Variants in AGPS observed in about 807,000 individuals in gnomAD.
AGPS encodes alkylglycerone phosphate synthase, also known as alkyldihydroxyacetonephosphate synthase, peroxisomal.
In AGPS, 26 loss-of-function variants were observed where a neutral mutation model predicts 90.7. That is an observed-to-expected ratio of 0.29 (90% CI 0.21 to 0.40). The LOEUF (loss-of-function observed/expected upper bound fraction) is 0.40. Among genes scored for constraint, AGPS ranks in the 10% least tolerant of loss-of-function variants. The probability of loss-of-function intolerance (pLI) is 1.00; values close to 1 mark genes in which losing one functional copy is unlikely to be tolerated. For synonymous variants in AGPS, 294 were observed against 285.3 expected, an observed-to-expected ratio of 1.03 and a Z score of -0.31; for missense variants, 540 against 816.1, an observed-to-expected ratio of 0.66 and a Z score of 4.12.
intron 10 of AGPS, among the ~76,000 whole-genome samples, chr2:177,480,619 C>T (rs1687916277): frequency 6.6e-6 from 1 of 151,948 alleles, no homozygotes; most frequent in South Asian, 2.1e-4. Flanking sequence ...GGAGATATAC[C>T]TAATGTAAAT....
At position 177,491,771 on chromosome 2, in the gene AGPS, C is replaced by T. The variant is rs75816697; in HGVS notation, c.1234-1377C>T. 1.7e-4 allele frequency among the ~76,000 whole-genome samples: 21 copies of T among 122,390 alleles called. 1 individual carries two copies. The highest frequency in any genetic ancestry group is 3.1e-4 in the Non-Finnish European group (18 of 58,880). 80.3% of individuals were successfully genotyped at this position (122,390 alleles called of 152,430 possible). A position where few individuals can be genotyped will look rare whatever the true frequency, so the allele number is the denominator to read the frequency against. ...TAATATACTTTCCTTCCCCCCCCCC[C>T]CCTTTTTTTTCATTTTGTTTTGTTT... On this transcript the variant is annotated intron_variant, in intron 11 of 19. Coordinates refer to ENST00000264167, the MANE Select transcript of AGPS (RefSeq NM_003659.4).
chr2:177,399,525 A>G (rs1448153892), intron 1 of AGPS, among the ~76,000 whole-genome samples: 1 of 152,154 alleles, frequency 6.6e-6, no homozygotes, highest in East Asian at 1.9e-4. Context: ...TGCTGGTTGG[A>G]GATCGTGGCT....
At position 177,392,857 on chromosome 2, in the gene AGPS, C is replaced by CGGACCGGGACCG. The variant is rs1408102329; in HGVS notation, c.74_85dup (p.Arg25_Asp28dup). ...GCGGGCGCGAGCTACGGGTCTGCAG[C>CGGACCGGGACCG]GGACCGGGACCGGGACCCGGACCCG... On this transcript the variant is annotated inframe_insertion, in exon 1 of 20. Coordinates refer to ENST00000264167, the MANE Select transcript of AGPS (RefSeq NM_003659.4). 3 of 1,551,994 alleles carry CGGACCGGGACCG rather than the reference C, an allele frequency of 1.9e-6. No individual in the cohort carries two copies. Among genetic ancestry groups the CGGACCGGGACCG allele is most frequent in the African/African-American group, 2.7e-5 (2 of 73,108 alleles).
chr2:177,494,353 A>G (rs1347159842), intron 12 of AGPS, among the ~76,000 whole-genome samples: 2 of 152,226 alleles, frequency 1.3e-5, no homozygotes, highest in Non-Finnish European at 2.9e-5. Context: ...TCAAAATACT[A>G]TACTACTGAC....
chr2:177,457,939 A>G (rs1017164248), intron 8 of AGPS, among the ~76,000 whole-genome samples: 5 of 152,230 alleles, frequency 3.3e-5, no homozygotes, highest in Non-Finnish European at 7.3e-5. Context: ...ATCCTTAATA[A>G]AATACTGGCA....
chr2:177,407,331 A>G lies in AGPS; in HGVS notation c.261-12938A>G, dbSNP rs76979475. The stretch of plus-strand genomic sequence containing the variant: ...TATATTAGACCATTTTTGCATTGCT[A>G]TAAAGAAATACCCGAGACTGGATAA... On this transcript the variant is annotated intron_variant, in intron 1 of 19. Coordinates refer to ENST00000264167, the MANE Select transcript of AGPS (RefSeq NM_003659.4). 4.0e-3 allele frequency among the ~76,000 whole-genome samples: 613 copies of G among 152,334 alleles called. 5 individuals are homozygous for G. Among genetic ancestry groups the G allele is most frequent in the East Asian group, 0.032 (167 of 5,190 alleles).
intron 19 of AGPS, among the ~76,000 whole-genome samples, chr2:177,536,874 G>A (rs1333101092): frequency 1.3e-5 from 2 of 152,100 alleles, no homozygotes; most frequent in African/African-American, 4.8e-5. Context: ...AGTTGAGCTC[G>A]AAATGGTATT....
intron 1 of AGPS, among the ~76,000 whole-genome samples, chr2:177,406,526 G>A (rs1267763256): frequency 2.0e-5 from 3 of 152,202 alleles, no homozygotes; most frequent in Non-Finnish European, 2.9e-5. Flanking sequence ...GACATAAGAG[G>A]ACATGGTGTG....
intron 17 of AGPS, among the ~76,000 whole-genome samples, chr2:177,516,315 T>G (rs1689021912): frequency 1.3e-5 from 2 of 152,170 alleles, no homozygotes; most frequent in South Asian, 4.1e-4. Flanking sequence ...CTGAAGACGT[T>G]ATATGGGAAG....
chr2:177,406,817 T>C (rs1184166452), intron 1 of AGPS, among the ~76,000 whole-genome samples: 1 of 152,254 alleles, frequency 6.6e-6, no homozygotes, highest in Non-Finnish European at 1.5e-5. Context: ...ATGTGCTTTA[T>C]GCTTCAGCCA....
In AGPS at chr2:177,482,176, T is replaced by C. The variant is rs773201404; in HGVS notation, c.1223T>C (p.Ile408Thr). 2 of 1,584,746 alleles carry C rather than the reference T, an allele frequency of 1.3e-6. No individual in the cohort carries two copies. Among genetic ancestry groups the C allele is most frequent in the Non-Finnish European group, 1.7e-6 (2 of 1,161,772 alleles). Residue 408 changes from isoleucine to threonine, a missense_variant, in exon 11 of 20, where the codon ATT (isoleucine) becomes ACT (threonine). This residue lies in a region of AGPS where 405 missense variants were observed against 692.1 expected (regional missense o/e 0.59). Transcript: ENST00000264167. ...CAAGGAGTAGCCTGTTTAAGAGAAA[T>C]TGCAAAACAGGTAAAAGAAAAAATA... ...FEQGVACLRE[I>T]AKQRCAPASI...
At chr2:177,507,895 A>T (rs1187328106) in intron 15 of AGPS, 75 bp from the exon 16 acceptor site, 8 of 1,014,804 alleles carry the variant, frequency 7.9e-6, no homozygotes, top group South Asian at 1.3e-5. Flanking sequence ...AACAATGAAT[A>T]TGAAAGACTA....
intron 17 of AGPS, among the ~76,000 whole-genome samples, chr2:177,514,313 T>G (rs1688964614): frequency 6.6e-6 from 1 of 152,202 alleles, no homozygotes; most frequent in South Asian, 2.1e-4. Context: ...TTTAATCTCT[T>G]CAAGCTCTAA....
intron 1 of AGPS, among the ~76,000 whole-genome samples, chr2:177,413,628 A>C (rs577084476): frequency 1.3e-5 from 2 of 152,338 alleles, no homozygotes; most frequent in Non-Finnish European, 2.9e-5. Flanking sequence ...ACAAGAGTCC[A>C]AGTGAAGGAT....
chr2:177,446,549 G>A (rs1472660006), intron 8 of AGPS, among the ~76,000 whole-genome samples: 2 of 152,272 alleles, frequency 1.3e-5, no homozygotes, highest in South Asian at 2.1e-4. Flanking sequence ...TGTGGGTACA[G>A]TAGTGGTAAA....
chr2:177,393,487 G>C (rs1052141755), intron 1 of AGPS: 16 of 985,280 alleles, frequency 1.6e-5, no homozygotes, highest in Middle Eastern at 5.2e-4. Flanking sequence ...AGCCTGCTGT[G>C]GGGGAAACTG....
rs565448133 is a variant in AGPS, at chr2:177,439,550, A to C, written c.638-1415A>C. On this transcript the variant is annotated intron_variant, in intron 5 of 19. Transcript: ENST00000264167. The stretch of plus-strand genomic sequence containing the variant: ...ATAGCAAGCTTTATAAGTTTAATCC[A>C]AAAGCTTGAAAATAGATATTTATTA... Among the ~76,000 whole-genome samples, 113 of 152,326 alleles carry C rather than the reference A, an allele frequency of 7.4e-4. 2 individuals carry two copies. The Middle Eastern group carries it at 0.014, about 18-fold the overall frequency.
intron 1 of AGPS, among the ~76,000 whole-genome samples, chr2:177,394,296 C>T (rs1436862544): frequency 1.3e-5 from 2 of 152,124 alleles, no homozygotes; most frequent in African/African-American, 4.8e-5. Context: ...GGTCATTTAA[C>T]CCAGTTTTGG....
chr2:177,520,212 C>T (rs1393328100), intron 17 of AGPS, among the ~76,000 whole-genome samples: 1 of 152,202 alleles, frequency 6.6e-6, no homozygotes, highest in Admixed American at 6.5e-5. Flanking sequence ...GCTTAACCCT[C>T]TGGGAATGCA....
Sources: gnomAD v4.1 joint callset for allele counts (sites outside exome capture counted in the v4.1 genomes callset) on GRCh38, gnomAD v4.1.1 for gene constraint, gnomAD v4.1.1 regional missense constraint, MANE v1.5 for transcripts, NCBI Gene and HGNC (gene_info 2026-07-23, HGNC 2026-07-21) for gene names.